CORO2A: variants seen among roughly 807,000 people sequenced by gnomAD.
CORO2A encodes the protein coronin 2A.
CORO2A carries 47 observed loss-of-function variants against 62.4 expected under a neutral mutation model. The observed-to-expected ratio is 0.75, with a 90% confidence interval of 0.60 to 0.96. CORO2A has a LOEUF of 0.96. Among genes scored for constraint, CORO2A ranks in the 40% least tolerant of loss-of-function variants. The pLI, the probability that CORO2A is intolerant of heterozygous loss-of-function variation, is 0.00. For missense variants in CORO2A, 610 were observed against 684.1 expected (o/e 0.89, Z 1.21); for synonymous variants, 273 against 268.9 (o/e 1.02, Z -0.15).
intron 2 of CORO2A, among the ~76,000 whole-genome samples, chr9:98,143,923 C>G (rs3780461): frequency 0.1 from 15,310 of 152,196 alleles, 1,090 homozygotes; most frequent in East Asian, 0.27. Context: ...TTAAATGCTT[C>G]TTGGCTGGGC....
intron 5 of CORO2A, among the ~76,000 whole-genome samples, 173 bp downstream of exon 5, chr9:98,132,865 G>T (rs981642559): frequency 1.1e-4 from 17 of 152,220 alleles, no homozygotes; most frequent in African/African-American, 3.9e-4. Context: ...CTGCAAAATG[G>T]AAAGGACATA....
At chr9:98,180,321 G>A (rs1374196188) in intron 1 of CORO2A, among the ~76,000 whole-genome samples, 1 of 152,026 alleles carries the variant, frequency 6.6e-6, no homozygotes, top group Non-Finnish European at 1.5e-5. Flanking sequence ...CTGTATGACC[G>A]GCTGCTACAA....
intron 1 of CORO2A, among the ~76,000 whole-genome samples, chr9:98,159,552 C>T (rs1287370835): frequency 6.6e-6 from 1 of 151,594 alleles, no homozygotes; most frequent in African/African-American, 2.4e-5. Flanking sequence ...CGTCCCTCTC[C>T]TTCTGCTTGG....
In CORO2A at chr9:98,157,532, C is replaced by T; in HGVS notation, c.129G>A (p.Val43=). The change falls in exon 2 of 12, where the codon GTG becomes GTA. Residue 43 remains valine, a synonymous_variant. Coordinates refer to ENST00000375077, the MANE Select transcript of CORO2A (RefSeq NM_052820.4). ...RSVHDNHFCA[V]NPHFIAVVTE... ...TCACAACTGCAATGAAGTGGGGGTT[C>T]ACGGCACAGAAGTGGTTGTCGTGAA... 1 of 1,614,198 alleles carries T rather than the reference C, an allele frequency of 6.2e-7. No individual in the cohort carries two copies. Among genetic ancestry groups the T allele is most frequent in the Non-Finnish European group, 8.5e-7 (1 of 1,180,044 alleles).
chr9:98,134,932 C>A lies in CORO2A; in HGVS notation c.342G>T (p.Lys114Asn), dbSNP rs1226478203. The A allele has an allele frequency of 6.2e-7, 1 of 1,614,110 alleles. No individual in the cohort carries two copies. Among genetic ancestry groups the A allele is most frequent in the East Asian group, 2.2e-5 (1 of 44,876 alleles). ...CCGTGAGGTTCCTGGTCAGCAGCTG[C>A]TTGGGGATGCTCCAGATCTTAATCT... ...DATIKIWSIP[K>N]QLLTRNLTAY... The change falls in exon 4 of 12, where the codon AAG (lysine) becomes AAT (asparagine). Residue 114 changes from lysine (K) to asparagine (N), a missense_variant. By Grantham distance (94) the Lys-to-Asn change is moderately conservative. Coordinates refer to ENST00000375077, the MANE Select transcript of CORO2A (RefSeq NM_052820.4).
intron 1 of CORO2A, among the ~76,000 whole-genome samples, chr9:98,175,190 T>A (rs1828091928): frequency 6.6e-6 from 1 of 152,114 alleles, no homozygotes; most frequent in East Asian, 1.9e-4. Context: ...CCCCTTTCAC[T>A]CCTGGCTATT....
chr9:98,181,332 T>A (rs189057904), intron 1 of CORO2A, among the ~76,000 whole-genome samples: 67 of 144,482 alleles, frequency 4.6e-4, no homozygotes, highest in African/African-American at 1.5e-3. Context: ...CTCTCTCTCT[T>A]GCTTTTTTTT....
intron 1 of CORO2A, among the ~76,000 whole-genome samples, chr9:98,161,784 G>A (rs1317389305): frequency 6.6e-6 from 1 of 152,064 alleles, no homozygotes; most frequent in Admixed American, 6.6e-5. Context: ...TGCATGTGGC[G>A]GGCCTGGGGT....
intron 1 of CORO2A, among the ~76,000 whole-genome samples, chr9:98,179,019 G>C (rs55701015): frequency 0.064 from 9,726 of 152,266 alleles, 390 homozygotes; most frequent in East Asian, 0.1. Context: ...AGTGGTCACA[G>C]TCTAGCTCTT....
chr9:98,125,962 C>T (rs1039926662), intron 11 of CORO2A, among the ~76,000 whole-genome samples: 1 of 151,764 alleles, frequency 6.6e-6, no homozygotes, highest in Non-Finnish European at 1.5e-5. Context: ...AAGAGATCCA[C>T]CCGCCTTGGC....
chr9:98,144,929 C>T (rs1346717457), intron 2 of CORO2A, among the ~76,000 whole-genome samples: 1 of 152,064 alleles, frequency 6.6e-6, no homozygotes, highest in Middle Eastern at 3.2e-3. Context: ...CATGTCCTGA[C>T]TGGAGAGGGT....
chr9:98,128,109 G>T, intron 10 of CORO2A, 61 bp downstream of exon 10: 1 of 1,382,290 alleles, frequency 7.2e-7, no homozygotes, highest in Non-Finnish European at 1.0e-6. Flanking sequence ...AATTGCTTGG[G>T]GCCACTGGGC....
intron 2 of CORO2A, among the ~76,000 whole-genome samples, chr9:98,155,343 T>A (rs1239998966): frequency 6.3e-5 from 2 of 31,692 alleles, no homozygotes; most frequent in Non-Finnish European, 1.5e-4. Context: ...TATTGCTCAA[T>A]TTTTTTTTTT....
chr9:98,138,627 C>T (rs1349659034), intron 2 of CORO2A, among the ~76,000 whole-genome samples: 1 of 152,182 alleles, frequency 6.6e-6, no homozygotes. Context: ...GAAGAAGAGG[C>T]CAGGCACAAA....
At chr9:98,158,648 G>C (rs887224078) in intron 1 of CORO2A, among the ~76,000 whole-genome samples, 2 of 152,038 alleles carry the variant, frequency 1.3e-5, no homozygotes, top group African/African-American at 4.8e-5. Context: ...ACAGAGATTC[G>C]CACATGACAG....
At chr9:98,187,225 G>A (rs1269982275) in intron 1 of CORO2A, among the ~76,000 whole-genome samples, 2 of 145,476 alleles carry the variant, frequency 1.4e-5, no homozygotes, top group Non-Finnish European at 3.0e-5. Context: ...GGAGCTTGCA[G>A]TGAGCCGAGA....
At chr9:98,179,610 A>T (rs1282756757) in intron 1 of CORO2A, among the ~76,000 whole-genome samples, 1 of 151,980 alleles carries the variant, frequency 6.6e-6, no homozygotes, top group Non-Finnish European at 1.5e-5. Context: ...TCAAGAAGGG[A>T]TGTGAGGCAA....
At chr9:98,134,785 A>C (rs765083472) in intron 4 of CORO2A, 21 bp downstream of exon 4, 5 of 1,587,476 alleles carry the variant, frequency 3.1e-6, no homozygotes, top group Non-Finnish European at 4.3e-6. Context: ...GCTGCCCCAG[A>C]GAAAGAATAC....
chr9:98,178,620 T>C (rs1828139503), intron 1 of CORO2A, among the ~76,000 whole-genome samples: 2 of 152,122 alleles, frequency 1.3e-5, no homozygotes, highest in African/African-American at 4.8e-5. Context: ...TTTCCCCTTC[T>C]CTCTGGAGAC....
Sources: gnomAD v4.1 joint callset for allele counts (sites outside exome capture counted in the v4.1 genomes callset) on GRCh38, gnomAD v4.1.1 for gene constraint, MANE v1.5 for transcripts, NCBI Gene and HGNC (gene_info 2026-07-23, HGNC 2026-07-21) for gene names.